BEND7: variants seen among roughly 807,000 people sequenced by gnomAD.
The protein encoded by BEND7 is BEN domain-containing protein 7.
BEND7 carries 28 observed loss-of-function variants against 50.9 expected under a neutral mutation model. The observed-to-expected ratio is 0.55, with a 90% CI of 0.41 to 0.75. The LOEUF is 0.75. Ranked by LOEUF, BEND7 falls within the 30% of genes least tolerant of loss-of-function variation. The pLI is 0.00. For missense variants in BEND7, 477 were observed against 491.3 expected, an observed-to-expected ratio of 0.97 and a Z score of 0.28; for synonymous variants, 170 against 183.9, an observed-to-expected ratio of 0.92 and a Z score of 0.61.
intron 2 of BEND7, among the ~76,000 whole-genome samples, chr10:13,512,821 A>G (rs553057076): frequency 6.6e-6 from 1 of 152,328 alleles, no homozygotes; most frequent in Admixed American, 6.5e-5. Flanking sequence ...CACATTCACA[A>G]TGGCTTTTTC....
At chr10:13,500,402 A>G in intron 2 of BEND7, 2 of 623,346 alleles carry the variant, frequency 3.2e-6, no homozygotes, top group African/African-American at 1.9e-5. Context: ...ATGAGGAAAC[A>G]GGCTGAGACA....
intron 2 of BEND7, among the ~76,000 whole-genome samples, chr10:13,520,876 C>G (rs1194069555): frequency 1.3e-5 from 2 of 152,206 alleles, no homozygotes; most frequent in Non-Finnish European, 2.9e-5. Context: ...TCTGCATCCA[C>G]AGCTACCGAA....
chr10:13,474,884 C>A (rs764520951), intron 6 of BEND7, among the ~76,000 whole-genome samples: 15 of 152,234 alleles, frequency 9.9e-5, no homozygotes, highest in Non-Finnish European at 1.6e-4. Flanking sequence ...GACTCAGGAG[C>A]TCTGACTGTA....
intron 4 of BEND7, among the ~76,000 whole-genome samples, chr10:13,493,892 T>A (rs191787818): frequency 4.6e-4 from 70 of 152,334 alleles, no homozygotes; most frequent in African/African-American, 1.6e-3. Context: ...ACTAAAGGTC[T>A]TTAAAGGCAT....
intron 6 of BEND7, among the ~76,000 whole-genome samples, chr10:13,474,294 G>A (rs996994174): frequency 1.3e-5 from 2 of 151,562 alleles, no homozygotes; most frequent in Admixed American, 6.6e-5. Flanking sequence ...CGTCATCGCT[G>A]TTAGATGCGG....
intron 5 of BEND7, among the ~76,000 whole-genome samples, chr10:13,483,830 C>T (rs147851040): frequency 2.5e-3 from 385 of 152,048 alleles, no homozygotes; most frequent in Non-Finnish European, 3.7e-3. Context: ...GCTGGGGGTA[C>T]GGGAGGAAGG....
intron 6 of BEND7, among the ~76,000 whole-genome samples, chr10:13,478,873 A>G (rs1208740134): frequency 2.0e-5 from 3 of 152,184 alleles, no homozygotes; most frequent in Non-Finnish European, 2.9e-5. Context: ...CAATAATAAA[A>G]GTGTATGGGA....
chr10:13,497,458 G>A (rs1361715218), intron 3 of BEND7, among the ~76,000 whole-genome samples: 1 of 152,196 alleles, frequency 6.6e-6, no homozygotes, highest in African/African-American at 2.4e-5. Context: ...GAGCAGGGAT[G>A]GGAGGATATA....
At chr10:13,494,475 G>T (rs756813623) in intron 4 of BEND7, among the ~76,000 whole-genome samples, 3 of 152,166 alleles carry the variant, frequency 2.0e-5, no homozygotes, top group Non-Finnish European at 4.4e-5. Flanking sequence ...CACCCCAGAC[G>T]AAGTGAACTG....
At position 13,442,038 on chromosome 10, in the gene BEND7, T is replaced by C. The variant is rs143036068; in HGVS notation, c.1235-288A>G. On this transcript the variant is annotated intron_variant, in intron 8 of 8. Coordinates refer to ENST00000466271, the MANE Select transcript of BEND7 (RefSeq NM_001369863.1). ...GAACAGGGATTTATCCCAGAGGGCC[T>C]CTCCTATCTCTAGGTTTAGCGTTTC... 2.0e-3 allele frequency: 898 copies of C among 439,758 alleles called. 13 individuals carry two copies. The highest frequency in any genetic ancestry group is 0.019 in the South Asian group (539 of 27,654). The allele number at this position is 439,758 out of a possible 1,614,324, so 27.2% of individuals were successfully genotyped here.
Position 13,447,260 on chromosome 10 carries a change from A to T in BEND7, c.1234+6T>A. On this transcript the variant is annotated splice_donor_region_variant and intron_variant, in intron 8 of 8. Coordinates refer to ENST00000466271, the MANE Select transcript of BEND7 (RefSeq NM_001369863.1). ...GGTGATGAAAATGTAAATGCGTTTT[A>T]TTTACCTGTTGGTGGTAGAGCAATG... 6.2e-7 allele frequency: 1 copy of T among 1,614,018 alleles called. No individual in the cohort carries two copies. Among genetic ancestry groups the T allele is most frequent in the East Asian group, 2.2e-5 (1 of 44,880 alleles).
rs559477068 is a variant in BEND7, at chr10:13,500,860, C to G, written c.146-780G>C. 1.6e-4 allele frequency: 159 copies of G among 985,288 alleles called. 1 individual carries two copies. The African/African-American group carries it at 2.7e-3, about 17-fold the overall frequency. The allele number at this position is 985,288 out of a possible 1,614,324, so 61.0% of individuals were successfully genotyped here. A position where few individuals can be genotyped will look rare whatever the true frequency, so the allele number is the denominator to read the frequency against. On this transcript the variant is annotated intron_variant, in intron 2 of 8. Transcript: ENST00000466271. The stretch of plus-strand genomic sequence containing the variant: ...TGGAAGGGCGGAAGTGCAACCTCCC[C>G]ACCGTGCCCTCCTCCCATGCCAAAC...
intron 6 of BEND7, among the ~76,000 whole-genome samples, chr10:13,452,974 T>C (rs921227271): frequency 1.3e-5 from 2 of 152,182 alleles, no homozygotes; most frequent in African/African-American, 4.8e-5. Context: ...TTCCTAAGGG[T>C]CTACTGACCT....
At chr10:13,488,199 G>C (rs1193343260) in intron 5 of BEND7, among the ~76,000 whole-genome samples, 1 of 151,458 alleles carries the variant, frequency 6.6e-6, no homozygotes, top group Admixed American at 6.6e-5. Context: ...AGTATTACTG[G>C]AGACTATTTA....
chr10:13,520,801 G>A (rs367676213), intron 2 of BEND7, among the ~76,000 whole-genome samples: 4 of 152,144 alleles, frequency 2.6e-5, no homozygotes, highest in African/African-American at 9.7e-5. Flanking sequence ...TGGAGTGCCC[G>A]GATGGCCTAA....
downstream of BEND7, among the ~76,000 whole-genome samples, chr10:13,440,437 G>A (rs907806364): frequency 2.6e-5 from 4 of 152,354 alleles, no homozygotes; most frequent in South Asian, 8.3e-4. Context: ...CCCTGCCCAG[G>A]TGCGGGTGCC....
chr10:13,444,384 C>G (rs1835845926), intron 8 of BEND7: 1 of 152,160 alleles, frequency 6.6e-6, no homozygotes, highest in South Asian at 2.1e-4. Context: ...GTAACCCTAC[C>G]CTAGTCACTT....
intron 7 of BEND7, 73 bp downstream of exon 7, chr10:13,452,466 C>T (rs1588654855): frequency 7.0e-7 from 1 of 1,437,990 alleles, no homozygotes; most frequent in East Asian, 2.3e-5. Flanking sequence ...AACCTAGAGC[C>T]AAGTATTGTA....
At chr10:13,519,523 GAGA>G (rs997577850) in intron 2 of BEND7, among the ~76,000 whole-genome samples, 3 of 152,138 alleles carry the variant, frequency 2.0e-5, no homozygotes, top group African/African-American at 7.2e-5. Flanking sequence ...CTAAATCTGG[GAGA>G]AGGAGAGAGA....
Sources: gnomAD v4.1 joint callset for allele counts (sites outside exome capture counted in the v4.1 genomes callset) on GRCh38, gnomAD v4.1.1 for gene constraint, MANE v1.5 for transcripts, NCBI Gene and HGNC (gene_info 2026-07-23, HGNC 2026-07-21) for gene names.